Variants in KANSL1 observed in about 807,000 individuals in gnomAD.
KANSL1 encodes the protein KAT8 regulatory NSL complex subunit 1, also known as MLL1/MLL complex subunit KANSL1.
A neutral mutation model predicts 103.6 loss-of-function variants in KANSL1; 22 were observed. The ratio of observed to expected loss-of-function variants is 0.21; its 90% confidence interval spans 0.15 to 0.30. KANSL1 has a LOEUF of 0.30. Among genes scored for constraint, KANSL1 ranks in the 10% least tolerant of loss-of-function variants. KANSL1 has a pLI of 1.00. For synonymous variants in KANSL1, 600 were observed against 527.6 expected (o/e 1.14, Z -1.88); for missense variants, 1,337 against 1,399.8 (o/e 0.96, Z 0.72).
At chr17:46,143,077 A>G (rs2044506089) in intron 2 of KANSL1, among the ~76,000 whole-genome samples, 1 of 152,270 alleles carries the variant, frequency 6.6e-6, no homozygotes. Flanking sequence ...AGTACACTGT[A>G]AAGACATTTA....
At chr17:46,165,391 C>T (rs1351755946) in intron 2 of KANSL1, among the ~76,000 whole-genome samples, 8 of 152,138 alleles carry the variant, frequency 5.3e-5, no homozygotes, top group South Asian at 2.1e-4. Flanking sequence ...CGCCACCACG[C>T]CCGGCTAATT....
chr17:46,039,075 T>A lies in KANSL1; in HGVS notation c.2344A>T (p.Asn782Tyr), dbSNP rs761656788. 3 of 1,612,340 alleles carry A rather than the reference T, an allele frequency of 1.9e-6. No individual in the cohort carries two copies. The highest frequency in any genetic ancestry group is 1.3e-5 in the African/African-American group (1 of 74,810). ...TCTCGCAATCTCATTTTGCTGTGGT[T>A]TGGGTCATGCACGGGTGGTGGTGGG... The part of the protein sequence containing the change: ...LNPPPPVHDP[N>Y]HSKMRLRDHS... Residue 782 changes from asparagine (N) to tyrosine (Y), a missense_variant, in exon 9 of 15, where the codon AAC becomes TAC. This residue lies in a region of KANSL1 where 780 missense variants were observed against 923.4 expected (regional missense o/e 0.84). Coordinates refer to ENST00000432791, the MANE Select transcript of KANSL1 (RefSeq NM_015443.4).
chr17:46,069,785 C>A, intron 4 of KANSL1, among the ~76,000 whole-genome samples: 1 of 151,860 alleles, frequency 6.6e-6, no homozygotes, highest in Admixed American at 6.6e-5. Flanking sequence ...AAACAAAAAA[C>A]AGATTGGGAA....
chr17:46,168,632 T>C (rs2046128052), intron 2 of KANSL1, among the ~76,000 whole-genome samples: 3 of 152,174 alleles, frequency 2.0e-5, no homozygotes, highest in Admixed American at 2.0e-4. Flanking sequence ...ATTACAGGAG[T>C]GAGCCACCGT....
intron 2 of KANSL1, chr17:46,152,893 T>C (rs1478845297): frequency 6.6e-6 from 1 of 152,276 alleles, no homozygotes; most frequent in South Asian, 2.1e-4. Context: ...AAATTATTCC[T>C]GGATACTTAG....
intron 6 of KANSL1, among the ~76,000 whole-genome samples, chr17:46,060,559 T>C (rs17654016): frequency 0.14 from 21,796 of 152,266 alleles, 2,130 homozygotes; most frequent in Non-Finnish European, 0.22. Context: ...CTACATGGCA[T>C]GCTTGCTCCT....
intron 2 of KANSL1, among the ~76,000 whole-genome samples, chr17:46,100,753 G>C (rs2042278106): frequency 6.6e-6 from 1 of 152,154 alleles, no homozygotes. Flanking sequence ...TGGGAAATTT[G>C]TATGTCAATC....
In KANSL1 at chr17:46,172,082, T is replaced by C. The variant is rs1390024476; in HGVS notation, c.62A>G (p.Lys21Arg). ...AAAEAHHIRF[K>R]LAPPSSTLSP... ...CAAGGTAGAGGATGGGGGAGCCAGT[T>C]TGAACCGGATATGGTGTGCTTCAGC... The change falls in exon 2 of 15, where the codon AAA (lysine) becomes AGA (arginine). Residue 21 changes from lysine to arginine, a missense_variant. By Grantham distance (26) the Lys-to-Arg change is conservative. This residue lies in a region of KANSL1 where 557 missense variants were observed against 476.4 expected (regional missense o/e 1.17). Coordinates refer to ENST00000432791, the MANE Select transcript of KANSL1 (RefSeq NM_015443.4). The C allele has an allele frequency of 1.2e-6, 2 of 1,613,384 alleles. No homozygotes were observed. The highest frequency in any genetic ancestry group is 1.3e-5 in the African/African-American group (1 of 75,070).
intron 2 of KANSL1, among the ~76,000 whole-genome samples, chr17:46,143,232 T>C (rs1407246510): frequency 3.9e-5 from 6 of 152,360 alleles, no homozygotes; most frequent in African/African-American, 9.6e-5. Flanking sequence ...AGCAGTTCTG[T>C]AGAAGTCATT....
intron 2 of KANSL1, among the ~76,000 whole-genome samples, chr17:46,139,262 C>T (rs1321087447): frequency 6.8e-6 from 1 of 147,392 alleles, no homozygotes; most frequent in Non-Finnish European, 1.5e-5. Flanking sequence ...CATTTGACCA[C>T]ATTTTGGAAC....
chr17:46,143,697 A>C (rs971867515), intron 2 of KANSL1, among the ~76,000 whole-genome samples: 2 of 149,548 alleles, frequency 1.3e-5, no homozygotes, highest in African/African-American at 4.9e-5. Flanking sequence ...CCAGCTACTC[A>C]GGAGGCTGAG....
At chr17:46,186,223 A>C (rs1473933714) in intron 1 of KANSL1, among the ~76,000 whole-genome samples, 1 of 151,716 alleles carries the variant, frequency 6.6e-6, no homozygotes, top group East Asian at 1.9e-4. Flanking sequence ...AAATGCAAAA[A>C]AAAAAAAAAA....
intron 4 of KANSL1, among the ~76,000 whole-genome samples, chr17:46,078,766 T>TTTA (rs75081565): frequency 0.14 from 21,777 of 152,240 alleles, 2,118 homozygotes; most frequent in Non-Finnish European, 0.22. Flanking sequence ...CAAGCTTCTA[T>TTTA]TTGAAGAGAG....
upstream of KANSL1, chr17:46,193,962 C>T (rs2047508559): frequency 6.3e-6 from 1 of 157,806 alleles, no homozygotes; most frequent in Non-Finnish European, 1.4e-5. Flanking sequence ...GCTTCCGCCG[C>T]CCGCCCTTTG....
At chr17:46,090,215 G>A (rs901281040) in intron 3 of KANSL1, among the ~76,000 whole-genome samples, 9 of 152,190 alleles carry the variant, frequency 5.9e-5, no homozygotes, top group African/African-American at 1.7e-4. Flanking sequence ...ATCAGAAGCT[G>A]GAAAAAGACA....
intron 2 of KANSL1, among the ~76,000 whole-genome samples, chr17:46,165,277 G>C (rs113422779): frequency 2.5e-3 from 384 of 152,090 alleles, no homozygotes; most frequent in Non-Finnish European, 4.0e-3. Flanking sequence ...CTGTCGCCCA[G>C]GCTGGAGTGC....
Position 46,132,936 on chromosome 17 carries a change from C to T in KANSL1, c.1289+37919G>A, listed in dbSNP as rs571535346. ...TCCAGCTTGGGCGACACAGCAAGAC[C>T]GTGTCTCGAAAAAAACAAAAGTAAG... On this transcript the variant is annotated intron_variant, in intron 2 of 14. Transcript: ENST00000432791. Among the ~76,000 whole-genome samples, 11 of 150,766 alleles carry T rather than the reference C, an allele frequency of 7.3e-5. No individual in the cohort carries two copies. In the East Asian group the frequency reaches 1.2e-3, roughly 16 times the overall value.
intron 2 of KANSL1, among the ~76,000 whole-genome samples, chr17:46,160,333 T>C (rs1482625517): frequency 6.6e-6 from 1 of 152,256 alleles, no homozygotes; most frequent in Non-Finnish European, 1.5e-5. Flanking sequence ...GGTCTCACTC[T>C]GCTGCTCACG....
At chr17:46,158,157 T>G (rs1201593930) in intron 2 of KANSL1, among the ~76,000 whole-genome samples, 1 of 152,236 alleles carries the variant, frequency 6.6e-6, no homozygotes, top group African/African-American at 2.4e-5. Flanking sequence ...CATTTGACGG[T>G]GCAAAAAGCA....
Sources: gnomAD v4.1 joint callset for allele counts (sites outside exome capture counted in the v4.1 genomes callset) on GRCh38, gnomAD v4.1.1 for gene constraint, gnomAD v4.1.1 regional missense constraint, MANE v1.5 for transcripts, NCBI Gene and HGNC (gene_info 2026-07-23, HGNC 2026-07-21) for gene names.